SNTG1: variants seen among roughly 807,000 people sequenced by gnomAD.
SNTG1 encodes syntrophin gamma 1, also known as gamma-1-syntrophin.
Under a neutral mutation model 74.7 loss-of-function variants are expected in SNTG1, and 39 were observed. That is an observed-to-expected ratio of 0.52 (90% CI 0.40 to 0.68). The LOEUF is 0.68. Among genes scored for constraint, SNTG1 ranks in the 30% least tolerant of loss-of-function variants. The pLI is 0.00. For synonymous variants in SNTG1, 254 were observed against 217.1 expected (o/e 1.17, Z -1.49); for missense variants, 685 against 609.5 (o/e 1.12, Z -1.30).
At chr8:50,509,151 C>T (rs1372848371) in intron 9 of SNTG1, among the ~76,000 whole-genome samples, 12 of 152,018 alleles carry the variant, frequency 7.9e-5, no homozygotes, top group East Asian at 1.9e-4. Context: ...CTAGCCAGTT[C>T]TCCCAGCACC....
intron 1 of SNTG1, among the ~76,000 whole-genome samples, chr8:49,921,730 G>A (rs560136296): frequency 6.6e-6 from 1 of 152,138 alleles, no homozygotes; most frequent in East Asian, 1.9e-4. Flanking sequence ...CAACCAAAAA[G>A]ATACACATAC....
At chr8:50,124,736 G>C (rs1416786185) in intron 1 of SNTG1, among the ~76,000 whole-genome samples, 1 of 140,882 alleles carries the variant, frequency 7.1e-6, no homozygotes, top group Non-Finnish European at 1.6e-5. Context: ...GCTTCTGCTT[G>C]TGCTAGGCAG....
intron 18 of SNTG1, among the ~76,000 whole-genome samples, chr8:50,754,785 T>C (rs971598157): frequency 2.0e-5 from 3 of 151,920 alleles, no homozygotes; most frequent in Non-Finnish European, 4.4e-5. Flanking sequence ...CTTTCTAATA[T>C]AGGATTTAGT....
chr8:50,359,639 G>A (rs893934406), intron 2 of SNTG1, among the ~76,000 whole-genome samples: 2 of 152,170 alleles, frequency 1.3e-5, no homozygotes, highest in African/African-American at 2.4e-5. Flanking sequence ...TGACTTGACA[G>A]TGAAAATAAA....
intron 11 of SNTG1, among the ~76,000 whole-genome samples, chr8:50,541,462 C>A (rs951129629): frequency 1.3e-5 from 2 of 152,002 alleles, no homozygotes; most frequent in Non-Finnish European, 2.9e-5. Flanking sequence ...ATAATCTGTT[C>A]TTCACCTCTG....
intron 1 of SNTG1, among the ~76,000 whole-genome samples, chr8:49,948,362 G>T (rs2129387238): frequency 6.6e-6 from 1 of 152,244 alleles, no homozygotes; most frequent in East Asian, 1.9e-4. Context: ...TGGTGAGGAA[G>T]TTGAACCTTA....
chr8:50,146,264 T>C (rs1305206121), intron 1 of SNTG1, among the ~76,000 whole-genome samples: 1 of 152,082 alleles, frequency 6.6e-6, no homozygotes, highest in Non-Finnish European at 1.5e-5. Flanking sequence ...ATGCCTGTAA[T>C]CCCAGCACTT....
intron 1 of SNTG1, among the ~76,000 whole-genome samples, chr8:50,091,689 A>G (rs2079744039): frequency 6.6e-6 from 1 of 152,150 alleles, no homozygotes; most frequent in African/African-American, 2.4e-5. Flanking sequence ...TTTCATAAGT[A>G]TATTTCACCT....
rs776292003 is a variant in SNTG1 at position 50,656,890 on chromosome 8, G to C, written c.850-19G>C. The C allele has an allele frequency of 6.6e-7, 1 of 1,519,332 alleles. No homozygotes were observed. The highest frequency in any genetic ancestry group is 2.3e-5 in the East Asian group (1 of 43,414). 94.1% of individuals were successfully genotyped at this position (1,519,332 alleles called of 1,614,324 possible). A position where few individuals can be genotyped will look rare whatever the true frequency, so the allele number is the denominator to read the frequency against. On this transcript the variant is annotated intron_variant, in intron 13 of 18. Coordinates refer to ENST00000642720, the MANE Select transcript of SNTG1 (RefSeq NM_018967.5). ...AAATAAGAAGTTTTGACAGTTGATTGTATTCCATTTTCTTGCAGATTGTCT... is the reference window on the plus strand; with the variant it reads ...AAATAAGAAGTTTTGACAGTTGATTCTATTCCATTTTCTTGCAGATTGTCT...
At chr8:50,246,414 T>C (rs59878004) in intron 2 of SNTG1, among the ~76,000 whole-genome samples, 8,224 of 152,162 alleles carry the variant, frequency 0.054, 510 homozygotes, top group South Asian at 0.16. Flanking sequence ...AGCCATTTAG[T>C]TTATCCATAA....
intron 16 of SNTG1, among the ~76,000 whole-genome samples, chr8:50,705,862 G>T (rs2131536911): frequency 6.6e-6 from 1 of 152,222 alleles, no homozygotes; most frequent in Non-Finnish European, 1.5e-5. Context: ...ACAGACCTGT[G>T]GACAAATTAA....
chr8:49,994,381 T>C (rs1813992636), intron 1 of SNTG1, among the ~76,000 whole-genome samples: 3 of 150,364 alleles, frequency 2.0e-5, no homozygotes, highest in Admixed American at 6.6e-5. Flanking sequence ...TCAGCTTCCA[T>C]AGTAGCTGGG....
chr8:50,262,372 T>A (rs1056318645), intron 2 of SNTG1, among the ~76,000 whole-genome samples: 1 of 152,126 alleles, frequency 6.6e-6, no homozygotes, highest in Non-Finnish European at 1.5e-5. Context: ...TTATAAACAG[T>A]AAATCAAGAG....
intron 2 of SNTG1, among the ~76,000 whole-genome samples, chr8:50,259,798 C>CATAAATTGAA (rs2087089998): frequency 6.6e-6 from 1 of 152,054 alleles, no homozygotes. Context: ...ATTGCTGCCA[C>CATAAATTGAA]ATAAATTGAA....
intron 2 of SNTG1, among the ~76,000 whole-genome samples, chr8:50,379,837 G>T (rs1438082097): frequency 6.6e-6 from 1 of 152,206 alleles, no homozygotes; most frequent in Non-Finnish European, 1.5e-5. Context: ...TCACAGGGCT[G>T]CCCCCTTAAA....
chr8:50,721,463 T>C (rs2095487502), intron 17 of SNTG1, among the ~76,000 whole-genome samples: 1 of 152,170 alleles, frequency 6.6e-6, no homozygotes, highest in South Asian at 2.1e-4. Flanking sequence ...GCAGCATTAT[T>C]ATAAGAAGAA....
chr8:50,301,834 TTGTTTTTGTTTTC>T (rs1354984361), intron 2 of SNTG1, among the ~76,000 whole-genome samples: 11 of 149,456 alleles, frequency 7.4e-5, no homozygotes, highest in Non-Finnish European at 1.2e-4. Context: ...TGTTTTGTTT[TTGTTTTTGTTTTC>T]TGTTTTTGTT....
chr8:50,384,740 A>G lies in SNTG1; in HGVS notation c.-27-9472A>G, dbSNP rs148418756. Among the ~76,000 whole-genome samples, 202 of 152,288 alleles carry G rather than the reference A, an allele frequency of 1.3e-3. 2 individuals carry two copies. Among genetic ancestry groups the G allele is most frequent in the African/African-American group, 4.3e-3 (180 of 41,564 alleles). ...TGGTTAGGAAACTCCCCATGAGACCATAGGTGTGGGCTAAGAGAAAGAAGG... is the reference window on the plus strand; with the variant it reads ...TGGTTAGGAAACTCCCCATGAGACCGTAGGTGTGGGCTAAGAGAAAGAAGG... On this transcript the variant is annotated intron_variant, in intron 2 of 18. Transcript: ENST00000642720.
intron 2 of SNTG1, among the ~76,000 whole-genome samples, chr8:50,319,024 A>G (rs2090426519): frequency 6.6e-6 from 1 of 152,004 alleles, no homozygotes; most frequent in Non-Finnish European, 1.5e-5. Context: ...GAACACATAT[A>G]CACATATATG....
Sources: gnomAD v4.1 joint callset for allele counts (sites outside exome capture counted in the v4.1 genomes callset) on GRCh38, gnomAD v4.1.1 for gene constraint, MANE v1.5 for transcripts, NCBI Gene and HGNC (gene_info 2026-07-23, HGNC 2026-07-21) for gene names.